Variants in GUSB observed in about 807,000 individuals in gnomAD.
The protein encoded by GUSB is glucuronidase beta.
A neutral mutation model predicts 74.6 loss-of-function variants in GUSB; 51 were observed. The observed-to-expected ratio is 0.68, with a 90% CI of 0.55 to 0.86. GUSB has a LOEUF of 0.86. Among genes scored for constraint, GUSB ranks in the 40% least tolerant of loss-of-function variants. GUSB has a pLI of 0.00. For missense variants in GUSB, 736 were observed against 853.7 expected, an observed-to-expected ratio of 0.86 and a Z score of 1.72; for synonymous variants, 360 against 348.3, an observed-to-expected ratio of 1.03 and a Z score of -0.37.
chr7:65,970,511 G>C (rs1374350104), intron 8 of GUSB, 145 bp from the exon 9 acceptor site: 10 of 634,336 alleles, frequency 1.6e-5, no homozygotes, highest in South Asian at 8.3e-5. Flanking sequence ...CAGCACTTTG[G>C]GAGGCCGAGG....
Position 65,975,822 on chromosome 7 carries a change from G to A in GUSB, c.912+193C>T, listed in dbSNP as rs1406817924. ...GCTGTGATCAGGCCATTGCACTCCA[G>A]CCTGGGTGACAGAGTGAGACCATCT... is the stretch of plus-strand genomic sequence containing the variant. On this transcript the variant is annotated intron_variant, in intron 5 of 11. Coordinates refer to ENST00000304895, the MANE Select transcript of GUSB (RefSeq NM_000181.4). 7.3e-6 allele frequency: 4 copies of A among 547,084 alleles called. No individual in the cohort carries two copies. The African/African-American group carries it at 7.9e-5, about 11-fold the overall frequency. 33.9% of individuals were successfully genotyped at this position (547,084 alleles called of 1,614,324 possible).
chr7:65,972,448 G>A (rs1791278257), intron 8 of GUSB, among the ~76,000 whole-genome samples: 1 of 152,310 alleles, frequency 6.6e-6, no homozygotes, highest in East Asian at 1.9e-4. Context: ...ACAGGCGTGA[G>A]CCACCGCACC....
intron 4 of GUSB, among the ~76,000 whole-genome samples, chr7:65,977,902 C>T (rs1358576026): frequency 2.6e-5 from 4 of 152,064 alleles, no homozygotes. Flanking sequence ...GCTCTGCCTC[C>T]CAGGTTCACG....
intron 11 of GUSB, among the ~76,000 whole-genome samples, chr7:65,961,313 T>C (rs886743830): frequency 2.0e-5 from 3 of 152,090 alleles, no homozygotes; most frequent in Non-Finnish European, 2.9e-5. Flanking sequence ...TTTTATTTTT[T>C]AGTAAAGACA....
At chr7:65,980,046 C>T in intron 2 of GUSB, 135 bp from the exon 3 acceptor site, 1 of 945,858 alleles carries the variant, frequency 1.1e-6, no homozygotes, top group South Asian at 1.5e-5. Flanking sequence ...AATGACATCC[C>T]AATGGGGTAG....
chr7:65,961,132 G>A (rs1790467755), intron 11 of GUSB, 69 bp from the exon 12 acceptor site: 1 of 1,431,696 alleles, frequency 7.0e-7, no homozygotes, highest in African/African-American at 1.4e-5. Context: ...GAACCAGTCT[G>A]GAGCTAAGGT....
chr7:65,974,798 T>C, intron 6 of GUSB, 94 bp from the exon 7 acceptor site: 1 of 1,556,142 alleles, frequency 6.4e-7, no homozygotes. Context: ...ATGAGCCCCC[T>C]CTCCATTTGG....
intron 2 of GUSB, 39 bp downstream of exon 2, chr7:65,980,185 G>GGGGGGGGGGCCCC: frequency 1.4e-6 from 1 of 725,272 alleles, no homozygotes; most frequent in Non-Finnish European, 2.4e-6. Context: ...CAGCAGCCGT[G>GGGGGGGGGGCCCC]CCCCCCCACC....
rs1471925349 is a variant in GUSB, at chr7:65,974,386, C to T, written c.1300G>A (p.Val434Met). ...HHHMQVMEEV[V>M]RRDKNHPAVV... ...GCGGGGTGGTTCTTGTCCCTACGCA[C>T]CACTTCTTCCATCACCTGCATGTGG... Residue 434 changes from valine to methionine, a missense_variant, in exon 8 of 12, where the codon GTG becomes ATG. By Grantham distance (21) the Val-to-Met change is conservative. Coordinates refer to ENST00000304895, the MANE Select transcript of GUSB (RefSeq NM_000181.4). The T allele has an allele frequency of 6.2e-7, 1 of 1,614,186 alleles. No individual in the cohort carries two copies.
At chr7:65,979,621 C>T in intron 3 of GUSB, 80 bp from the exon 4 acceptor site, 1 of 1,595,444 alleles carries the variant, frequency 6.3e-7, no homozygotes. Flanking sequence ...CTGGCCTCCC[C>T]AGATCCAAGG....
chr7:65,976,811 C>T (rs1239329320), intron 4 of GUSB, among the ~76,000 whole-genome samples: 1 of 151,772 alleles, frequency 6.6e-6, no homozygotes, highest in Non-Finnish European at 1.5e-5. Flanking sequence ...TGCGTGCTTG[C>T]AGCCCCGGCA....
At chr7:65,964,497 G>C in intron 10 of GUSB, 39 bp from the exon 11 acceptor site, 1 of 1,595,922 alleles carries the variant, frequency 6.3e-7, no homozygotes. Context: ...AGTCAGAACT[G>C]GCAGAATTGT....
chr7:65,963,677 C>T (rs1374818139), intron 11 of GUSB, among the ~76,000 whole-genome samples: 1 of 152,210 alleles, frequency 6.6e-6, no homozygotes, highest in African/African-American at 2.4e-5. Flanking sequence ...TCCCAAGCAG[C>T]TGAGACTACA....
At chr7:65,968,408 TG>T (rs1790983256) in intron 9 of GUSB, among the ~76,000 whole-genome samples, 2 of 151,998 alleles carry the variant, frequency 1.3e-5, no homozygotes, top group Admixed American at 6.6e-5. Context: ...CGTGCGCCGC[TG>T]GGAAGGGCTG....
intron 10 of GUSB, among the ~76,000 whole-genome samples, chr7:65,965,148 G>A (rs184247705): frequency 4.6e-5 from 7 of 152,152 alleles, no homozygotes; most frequent in Admixed American, 2.6e-4. Context: ...CCTCAGGTCT[G>A]TAATGCCAGC....
chr7:65,972,000 T>C lies in GUSB; in HGVS notation c.1392-1634A>G, dbSNP rs966910224. Among the ~76,000 whole-genome samples the C allele has an allele frequency of 3.4e-5, 5 of 148,796 alleles. No homozygotes were observed. The South Asian group carries it at 1.1e-3, about 32-fold the overall frequency. The stretch of plus-strand genomic sequence containing the variant: ...GTTGTGGTGAGCCGAGATTGTGCCA[T>C]TGCACTCCAGCCTGGGCAACAAGTG... On this transcript the variant is annotated intron_variant, in intron 8 of 11. Coordinates refer to ENST00000304895, the MANE Select transcript of GUSB (RefSeq NM_000181.4).
rs368114087 is a variant in GUSB, at chr7:65,970,527, G to A, written c.1392-161C>T. ...AGCACTTTGGGAGGCCGAGGTGGGT[G>A]GATCACTTGAGGTCAGGAGTTCAAG... On this transcript the variant is annotated intron_variant, in intron 8 of 11. Transcript: ENST00000304895. Among the ~76,000 whole-genome samples, 92 of 151,566 alleles carry A rather than the reference G, an allele frequency of 6.1e-4. 1 individual carries two copies. The highest frequency in any genetic ancestry group is 3.4e-3 in the Middle Eastern group (1 of 294).
chr7:65,980,203 C>G, intron 2 of GUSB, 21 bp downstream of exon 2: 1 of 1,524,980 alleles, frequency 6.6e-7, no homozygotes, highest in Non-Finnish European at 8.9e-7. Flanking sequence ...ACCCGCCCTG[C>G]CTGCTCCTGG....
chr7:65,965,094 AATT>A (rs1020582594), intron 10 of GUSB, among the ~76,000 whole-genome samples: 3 of 137,070 alleles, frequency 2.2e-5, no homozygotes, highest in African/African-American at 7.9e-5. Flanking sequence ...TATATATAAA[AATT>A]AAATTAAATT....
Sources: allele counts gnomAD v4.1 joint callset (sites outside exome capture counted in the v4.1 genomes callset), GRCh38; gene constraint gnomAD v4.1.1; transcripts MANE v1.5; gene names NCBI Gene and HGNC (gene_info 2026-07-23, HGNC 2026-07-21).